Variants in RBM33 observed in about 807,000 individuals in gnomAD.
RBM33 encodes the protein RNA binding motif protein 33, also known as RNA-binding protein 33.
In RBM33, 28 loss-of-function variants were observed where a neutral mutation model predicts 132.6. The observed-to-expected ratio is 0.21, with a 90% CI of 0.16 to 0.29. The LOEUF (loss-of-function observed/expected upper bound fraction) is 0.29. Among genes scored for constraint, RBM33 ranks in the 10% least tolerant of loss-of-function variants. RBM33 has a pLI of 1.00. For missense variants in RBM33, 1,291 were observed against 1,518.5 expected, an observed-to-expected ratio of 0.85 and a Z score of 2.49; for synonymous variants, 634 against 593.0, an observed-to-expected ratio of 1.07 and a Z score of -1.01.
In RBM33 at chr7:155,745,733, T is replaced by A; in HGVS notation, c.2979+131T>A. The A allele has an allele frequency of 1.1e-6, 1 of 890,466 alleles. No homozygotes were observed. The highest frequency in any genetic ancestry group is 1.7e-6 in the Non-Finnish European group (1 of 594,946). 55.2% of individuals were successfully genotyped at this position (890,466 alleles called of 1,614,324 possible). On this transcript the variant is annotated intron_variant, in intron 14 of 17. Coordinates refer to ENST00000401878, the MANE Select transcript of RBM33 (RefSeq NM_053043.3). This position sits in a 1 kb window ranked among gnomAD's most constrained non-coding sequence, Gnocchi z 4.1. Reference sequence around the variant, plus strand: ...TATAGTCTTGTAACCAATCTCTACCTACTTGAAGTTGGTATAAGAATTGCC... The same window carrying A: ...TATAGTCTTGTAACCAATCTCTACCAACTTGAAGTTGGTATAAGAATTGCC...
chr7:155,644,915 C>T lies in RBM33; in HGVS notation c.39C>T (p.Ala13=), dbSNP rs981866109. Residue 13 remains alanine, a synonymous_variant, in exon 1 of 18, where the codon GCC becomes GCT. Coordinates refer to ENST00000401878, the MANE Select transcript of RBM33 (RefSeq NM_053043.3). ...AALGASGGAG[A]GDDDFDQFDK... is the part of the protein sequence containing the mutation. ...TGGGAGCGAGCGGAGGAGCAGGCGC[C>T]GGAGGTACGTGAGGCAGCCGGACTC... 2.7e-6 allele frequency: 4 copies of T among 1,498,594 alleles called. No individual in the cohort carries two copies. Among genetic ancestry groups the T allele is most frequent in the Non-Finnish European group, 3.5e-6 (4 of 1,129,918 alleles). 92.8% of individuals were successfully genotyped at this position (1,498,594 alleles called of 1,614,324 possible). A position where few individuals can be genotyped will look rare whatever the true frequency, so the allele number is the denominator to read the frequency against.
In RBM33 at chr7:155,644,726, C is replaced by T; in HGVS notation, c.-151C>T. The T allele has an allele frequency of 3.5e-6, 2 of 566,724 alleles. No homozygotes were observed. Among genetic ancestry groups the T allele is most frequent in the South Asian group, 2.5e-5 (1 of 40,644 alleles). The allele number at this position is 566,724 out of a possible 1,614,324, so 35.1% of individuals were successfully genotyped here. A position where few individuals can be genotyped will look rare whatever the true frequency, so the allele number is the denominator to read the frequency against. ...TCTTCCTGCGGAGGCGAAGGGCCAG[C>T]TGTGGACCGCGAAGCGCCCGGCTTC... is the stretch of plus-strand genomic sequence containing the variant. On this transcript the variant is annotated 5_prime_UTR_variant, in exon 1 of 18. Coordinates refer to ENST00000401878, the MANE Select transcript of RBM33 (RefSeq NM_053043.3).
At chr7:155,702,828 C>T (rs1800006465) in intron 6 of RBM33, among the ~76,000 whole-genome samples, 1 of 152,318 alleles carries the variant, frequency 6.6e-6, no homozygotes, top group South Asian at 2.1e-4. Context: ...TGATTACATA[C>T]ATTTAAAACA....
At position 155,718,389 on chromosome 7, in the gene RBM33, C is replaced by T. The variant is rs769471356; in HGVS notation, c.1206C>T (p.Pro402=). 10 of 1,613,788 alleles carry T rather than the reference C, an allele frequency of 6.2e-6. No homozygotes were observed. The highest frequency in any genetic ancestry group is 7.6e-6 in the Non-Finnish European group (9 of 1,179,810). Residue 402 remains proline (P), a synonymous_variant, in exon 9 of 18, where the codon CCC becomes CCT. Coordinates refer to ENST00000401878, the MANE Select transcript of RBM33 (RefSeq NM_053043.3). ...KGTVVTPVQV[P]LLPVPSQPRP... Reference sequence around the variant, plus strand: ...CACAAGGGGTTTTTCTTGCAGTGCCCTTGCTACCAGTTCCGAGCCAGCCGA... The same window carrying T: ...CACAAGGGGTTTTTCTTGCAGTGCCTTTGCTACCAGTTCCGAGCCAGCCGA...
Position 155,644,714 on chromosome 7 carries a change from G to A in RBM33, c.-163G>A. On this transcript the variant is annotated 5_prime_UTR_variant, in exon 1 of 18. Coordinates refer to ENST00000401878, the MANE Select transcript of RBM33 (RefSeq NM_053043.3). Reference sequence around the variant, plus strand: ...AGTTTGTTGTTTTCTTCCTGCGGAGGCGAAGGGCCAGCTGTGGACCGCGAA... The same window carrying A: ...AGTTTGTTGTTTTCTTCCTGCGGAGACGAAGGGCCAGCTGTGGACCGCGAA... 1 of 503,436 alleles carries A rather than the reference G, an allele frequency of 2.0e-6. No homozygotes were observed. 31.2% of individuals were successfully genotyped at this position (503,436 alleles called of 1,614,324 possible).
At chr7:155,709,618 G>A (rs938121706) in intron 7 of RBM33, among the ~76,000 whole-genome samples, 1 of 152,098 alleles carries the variant, frequency 6.6e-6, no homozygotes, top group Non-Finnish European at 1.5e-5. Context: ...AGAACTCTGT[G>A]GTCTTGAATT....
chr7:155,777,566 A>G lies in RBM33; in HGVS notation c.*2525A>G, dbSNP rs1802657280. On this transcript the variant is annotated 3_prime_UTR_variant, in exon 18 of 18. Transcript: ENST00000401878. ...ACGTGAAGTCAGCCCACACCAGCCA[A>G]ACCCTCGTGGAAGATCTGCTGCAAC... 1.3e-5 allele frequency: 2 copies of G among 152,442 alleles called. No homozygotes were observed. The highest frequency in any genetic ancestry group is 1.3e-4 in the Admixed American group (2 of 15,280). The allele number at this position is 152,442 out of a possible 1,614,324, so 9.4% of individuals were successfully genotyped here.
At chr7:155,679,423 G>C (rs1451431096) in intron 4 of RBM33, among the ~76,000 whole-genome samples, 3 of 152,138 alleles carry the variant, frequency 2.0e-5, no homozygotes, top group African/African-American at 7.2e-5. Flanking sequence ...ACTTTGGGAG[G>C]TGCTACTTTA....
chr7:155,761,680 C>T (rs1449822171), intron 14 of RBM33, among the ~76,000 whole-genome samples: 6 of 152,052 alleles, frequency 3.9e-5, no homozygotes, highest in African/African-American at 4.8e-5. Context: ...TTTTCTTGGT[C>T]AGTATCCTTA....
intron 3 of RBM33, among the ~76,000 whole-genome samples, chr7:155,678,366 A>G (rs192116351): frequency 2.3e-3 from 353 of 152,296 alleles, no homozygotes; most frequent in Non-Finnish European, 3.9e-3. Context: ...GTGAGAATAA[A>G]TGTGATCGTT....
chr7:155,723,338 A>G (rs1406254202), intron 9 of RBM33, among the ~76,000 whole-genome samples: 2 of 152,240 alleles, frequency 1.3e-5, no homozygotes, highest in Admixed American at 6.5e-5. Flanking sequence ...CACTTAAGCT[A>G]TGGAAGGAAT....
rs114250005 is a variant in RBM33, at chr7:155,699,414, C to T, written c.568-1359C>T. On this transcript the variant is annotated intron_variant, in intron 5 of 17. Transcript: ENST00000401878. ...GTGCTGCTCTAGAGCATCATGGGAG[C>T]GGAGAATAGACGTCCTAAGGAAGCT... 3.7e-3 allele frequency among the ~76,000 whole-genome samples: 556 copies of T among 152,258 alleles called. 5 individuals are homozygous for T. Among genetic ancestry groups the T allele is most frequent in the African/African-American group, 0.013 (532 of 41,550 alleles).
At chr7:155,766,162 G>T (rs1453370726) in intron 15 of RBM33, among the ~76,000 whole-genome samples, 1 of 135,176 alleles carries the variant, frequency 7.4e-6, no homozygotes, top group South Asian at 2.4e-4. Flanking sequence ...GCCCTGACGG[G>T]TGCCTGATCT....
At chr7:155,761,345 T>G (rs1483510507) in intron 14 of RBM33, among the ~76,000 whole-genome samples, 1 of 152,264 alleles carries the variant, frequency 6.6e-6, no homozygotes, top group African/African-American at 2.4e-5. Flanking sequence ...GAAGTGCTTC[T>G]GCCTTTTCTG....
At chr7:155,724,996 G>T (rs879368309) in intron 9 of RBM33, among the ~76,000 whole-genome samples, 2,537 of 106,554 alleles carry the variant, frequency 0.024, 66 homozygotes, top group African/African-American at 0.13. Flanking sequence ...AGGTTTGTGT[G>T]TGTGTGTGTG....
At chr7:155,695,940 G>C (rs2116949388) in intron 5 of RBM33, among the ~76,000 whole-genome samples, 1 of 152,280 alleles carries the variant, frequency 6.6e-6, no homozygotes, top group East Asian at 1.9e-4. Flanking sequence ...GCGCACGTGT[G>C]TGTGTGTGTG....
At chr7:155,731,390 A>G (rs1440239601) in intron 9 of RBM33, among the ~76,000 whole-genome samples, 1 of 152,236 alleles carries the variant, frequency 6.6e-6, no homozygotes, top group African/African-American at 2.4e-5. Flanking sequence ...ATTAGGCACA[A>G]TAAGAGATGA....
chr7:155,684,739 T>TA (rs1429896610), intron 5 of RBM33, among the ~76,000 whole-genome samples: 1 of 152,192 alleles, frequency 6.6e-6, no homozygotes, highest in African/African-American at 2.4e-5. Flanking sequence ...GCCAGCATGA[T>TA]ATGCTTTGTT....
At chr7:155,708,751 G>T (rs1337839522) in intron 7 of RBM33, among the ~76,000 whole-genome samples, 3 of 152,196 alleles carry the variant, frequency 2.0e-5, no homozygotes, top group African/African-American at 7.2e-5. Context: ...TTGCTAATCA[G>T]TGATGAGATC....
Sources: gnomAD v4.1 joint callset for allele counts (sites outside exome capture counted in the v4.1 genomes callset) on GRCh38, gnomAD v4.1.1 for gene constraint, Gnocchi (gnomAD v3.1) non-coding constraint, MANE v1.5 for transcripts, NCBI Gene and HGNC (gene_info 2026-07-23, HGNC 2026-07-21) for gene names.